The following TRHDE variants were observed in gnomAD, a reference collection of about 807,000 sequenced individuals.
TRHDE encodes thyrotropin-releasing hormone-degrading ectoenzyme.
In TRHDE, 72 loss-of-function variants were observed where a neutral mutation model predicts 125.7. The ratio of observed to expected loss-of-function variants is 0.57; its 90% CI spans 0.47 to 0.70. The LOEUF (loss-of-function observed/expected upper bound fraction) is 0.70, where lower values mean the gene tolerates loss of function less well. Among genes scored for constraint, TRHDE ranks in the 30% least tolerant of loss-of-function variants. TRHDE has a pLI of 0.00. For synonymous variants in TRHDE, 509 were observed against 509.1 expected, an observed-to-expected ratio of 1.00 and a Z score of 0.00; for missense variants, 1,110 against 1,327.1, an observed-to-expected ratio of 0.84 and a Z score of 2.54.
At chr12:72,371,024 C>T (rs528640642) in intron 2 of TRHDE, among the ~76,000 whole-genome samples, 10 of 152,234 alleles carry the variant, frequency 6.6e-5, no homozygotes, top group East Asian at 1.9e-4. Context: ...GGATTACAGG[C>T]GTGAGCCACT....
intron 8 of TRHDE, 113 bp from the exon 9 acceptor site, chr12:72,562,740 T>C (rs1405158923): frequency 8.8e-6 from 6 of 682,324 alleles, no homozygotes; most frequent in African/African-American, 7.4e-5. Context: ...TCAATGACTT[T>C]AAATGTTTTC....
At chr12:72,379,916 A>G (rs749023422) in intron 3 of TRHDE, among the ~76,000 whole-genome samples, 1 of 152,180 alleles carries the variant, frequency 6.6e-6, no homozygotes, top group Non-Finnish European at 1.5e-5. Flanking sequence ...TTATATATCT[A>G]CAGATATTTA....
chr12:72,658,006 A>T (rs991106686), intron 18 of TRHDE, among the ~76,000 whole-genome samples: 10 of 152,070 alleles, frequency 6.6e-5, no homozygotes, highest in Non-Finnish European at 1.5e-4. Flanking sequence ...ACCATCCTTA[A>T]TATCTTCTAA....
Position 72,618,884 on chromosome 12 carries a change from A to G in TRHDE, c.2322-7A>G. ...CATCATGTATCTTTTTTTTTTTTTA[A>G]CTGTAGGGCTGGCTATTTGCCTCAG... On this transcript the variant is annotated splice_polypyrimidine_tract_variant and splice_region_variant and intron_variant, in intron 12 of 18. Coordinates refer to ENST00000261180, the MANE Select transcript of TRHDE (RefSeq NM_013381.3). The G allele has an allele frequency of 6.8e-7, 1 of 1,473,846 alleles. No individual in the cohort carries two copies. Among genetic ancestry groups the G allele is most frequent in the South Asian group, 1.4e-5 (1 of 70,662 alleles). 91.3% of individuals were successfully genotyped at this position (1,473,846 alleles called of 1,614,324 possible).
At chr12:72,518,407 C>A (rs1456931945) in intron 6 of TRHDE, among the ~76,000 whole-genome samples, 1 of 151,582 alleles carries the variant, frequency 6.6e-6, no homozygotes, top group Middle Eastern at 3.2e-3. Flanking sequence ...TAATGGCGTT[C>A]TTTGTCTCTT....
chr12:72,505,902 C>A (rs534810198), intron 6 of TRHDE, among the ~76,000 whole-genome samples: 2 of 152,296 alleles, frequency 1.3e-5, no homozygotes, highest in African/African-American at 2.4e-5. Flanking sequence ...TCCACAACAT[C>A]ATGTCAGTCA....
chr12:72,502,964 G>T (rs1367434253), intron 6 of TRHDE, among the ~76,000 whole-genome samples: 1 of 152,094 alleles, frequency 6.6e-6, no homozygotes, highest in Non-Finnish European at 1.5e-5. Flanking sequence ...TCTTAGCCTT[G>T]TTCTTTGATT....
chr12:72,282,746 A>G (rs1307954835), intron 1 of TRHDE, among the ~76,000 whole-genome samples: 1 of 152,144 alleles, frequency 6.6e-6, no homozygotes, highest in Non-Finnish European at 1.5e-5. Flanking sequence ...TGACCTTTAA[A>G]CTTCCATCCA....
chr12:72,495,291 C>G (rs1194245359), intron 5 of TRHDE, among the ~76,000 whole-genome samples: 1 of 151,936 alleles, frequency 6.6e-6, no homozygotes, highest in Non-Finnish European at 1.5e-5. Context: ...TTACATGCAT[C>G]AAATAATCCT....
chr12:72,267,637 C>G (rs1175636400), upstream of TRHDE, among the ~76,000 whole-genome samples: 1 of 151,118 alleles, frequency 6.6e-6, no homozygotes, highest in Non-Finnish European at 1.5e-5. Context: ...CAGAGTGAGA[C>G]CTAATCTCTA....
intron 2 of TRHDE, 72 bp from the exon 3 acceptor site, chr12:72,377,923 T>G: frequency 9.2e-7 from 1 of 1,087,968 alleles, no homozygotes; most frequent in South Asian, 1.8e-5. Flanking sequence ...TTTGTGTAGA[T>G]TCATATTTGC....
At chr12:72,509,980 C>T (rs1878516353) in intron 6 of TRHDE, among the ~76,000 whole-genome samples, 1 of 152,072 alleles carries the variant, frequency 6.6e-6, no homozygotes, top group African/African-American at 2.4e-5. Flanking sequence ...ATATGAATTC[C>T]AGAGGGGAAA....
rs904722254 is a variant in TRHDE at position 72,521,966 on chromosome 12, C to T, written c.1723-20325C>T. 2.6e-5 allele frequency among the ~76,000 whole-genome samples: 4 copies of T among 152,152 alleles called. No individual in the cohort carries two copies. In the East Asian group the frequency reaches 5.8e-4, roughly 22 times the overall value. On this transcript the variant is annotated intron_variant, in intron 6 of 18. Transcript: ENST00000261180. The stretch of plus-strand genomic sequence containing the variant: ...AAGTTAGCATGTTTTGAGATAGTTA[C>T]GTCTGAAATAATAACCTCAGTTAAC...
At chr12:72,584,484 A>G (rs1389701486) in intron 12 of TRHDE, among the ~76,000 whole-genome samples, 1 of 152,090 alleles carries the variant, frequency 6.6e-6, no homozygotes, top group Admixed American at 6.5e-5. Context: ...TGTACAATGG[A>G]TCTCTTGAAA....
chr12:72,486,616 T>A (rs1877420630), intron 5 of TRHDE, among the ~76,000 whole-genome samples: 2 of 152,118 alleles, frequency 1.3e-5, no homozygotes. Flanking sequence ...CCAGAGCAAC[T>A]TCACCCTGCC....
intron 5 of TRHDE, among the ~76,000 whole-genome samples, chr12:72,484,643 A>G (rs1433235451): frequency 6.6e-6 from 1 of 152,236 alleles, no homozygotes; most frequent in Non-Finnish European, 1.5e-5. Flanking sequence ...ATGAAAGATT[A>G]TAAGAGTTTC....
intron 5 of TRHDE, among the ~76,000 whole-genome samples, chr12:72,476,335 CT>C (rs1370472955): frequency 1.3e-5 from 2 of 152,120 alleles, no homozygotes; most frequent in Non-Finnish European, 2.9e-5. Flanking sequence ...CAAATTGCCC[CT>C]CCATATATAA....
intron 2 of TRHDE, among the ~76,000 whole-genome samples, chr12:72,259,762 T>G (rs1878904323): frequency 6.6e-6 from 1 of 152,114 alleles, no homozygotes; most frequent in Non-Finnish European, 1.5e-5. Flanking sequence ...CAGCCCTCCC[T>G]CTATAGACCC....
intron 6 of TRHDE, among the ~76,000 whole-genome samples, chr12:72,526,215 T>C (rs879736308): frequency 6.6e-6 from 1 of 152,152 alleles, no homozygotes; most frequent in Non-Finnish European, 1.5e-5. Flanking sequence ...ATAGTTTATA[T>C]CCCAATATCA....
Sources: allele counts gnomAD v4.1 joint callset (sites outside exome capture counted in the v4.1 genomes callset), GRCh38; gene constraint gnomAD v4.1.1; transcripts MANE v1.5; gene names NCBI Gene and HGNC (gene_info 2026-07-23, HGNC 2026-07-21).